Variants in IL5 observed in about 807,000 individuals in gnomAD.
The protein encoded by IL5 is interleukin 5.
In IL5, 12 loss-of-function variants were observed where a neutral mutation model predicts 16.3. The observed-to-expected ratio is 0.74, with a 90% confidence interval of 0.47 to 1.20. The LOEUF is 1.20. IL5 is among the 50% of genes most tolerant of loss of function. The pLI is 0.00. For synonymous variants in IL5, 54 were observed against 56.6 expected (o/e 0.95, Z 0.21); for missense variants, 159 against 153.9 (o/e 1.03, Z -0.17).
chr5:132,541,927 T>C lies in IL5; in HGVS notation c.307-18A>G, dbSNP rs200388617. On this transcript the variant is annotated intron_variant, in intron 3 of 3. Transcript: ENST00000231454. ...CACTTTTTCTGTGAAAAAAGAAAAA[T>C]GACAATAGGTATTACAGGAAACTGT... 1 of 1,610,930 alleles carries C rather than the reference T, an allele frequency of 6.2e-7. No individual in the cohort carries two copies. Among genetic ancestry groups the C allele is most frequent in the Non-Finnish European group, 8.5e-7 (1 of 1,177,408 alleles).
At chr5:132,553,089 G>A (rs564053677) in intron 1 of IL5, among the ~76,000 whole-genome samples, 1 of 152,090 alleles carries the variant, frequency 6.6e-6, no homozygotes, top group African/African-American at 2.4e-5. Context: ...TCCAAACTAG[G>A]ACCATGCATT....
At chr5:132,556,258 A>C (rs906304641) in intron 1 of IL5, 6 of 152,204 alleles carry the variant, frequency 3.9e-5, no homozygotes, top group Admixed American at 3.3e-4. Flanking sequence ...TCCCTCCATT[A>C]AGTTTGTTTC....
At chr5:132,542,910 T>C (rs976858582) in intron 2 of IL5, among the ~76,000 whole-genome samples, 184 bp downstream of exon 2, 5 of 152,174 alleles carry the variant, frequency 3.3e-5, no homozygotes, top group African/African-American at 9.7e-5. Flanking sequence ...AATCCACTTG[T>C]TTAAAGGATT....
At chr5:132,549,098 C>A (rs1437878307) in intron 1 of IL5, among the ~76,000 whole-genome samples, 2 of 152,172 alleles carry the variant, frequency 1.3e-5, no homozygotes, top group Non-Finnish European at 2.9e-5. Flanking sequence ...CTCTGTCACC[C>A]AGGCTAGAGG....
At position 132,543,489 on chromosome 5, in the gene IL5, C is replaced by T. The variant is rs201618644; in HGVS notation, c.-11G>A. On this transcript the variant is annotated 5_prime_UTR_variant, in exon 1 of 4. Coordinates refer to ENST00000231454, the MANE Select transcript of IL5 (RefSeq NM_000879.3). ...CAGAAGCATCCTCATGGCTCTGAAA[C>T]GTTCTGCGTTTGCCTTTGGCAAAGA... 41 of 1,612,592 alleles carry T rather than the reference C, an allele frequency of 2.5e-5. No homozygotes were observed. Among genetic ancestry groups the T allele is most frequent in the Admixed American group, 1.5e-4 (9 of 59,584 alleles).
intron 1 of IL5, among the ~76,000 whole-genome samples, chr5:132,554,864 G>A (rs369113123): frequency 1.2e-4 from 19 of 152,210 alleles, no homozygotes; most frequent in African/African-American, 4.6e-4. Context: ...CCTTAAAAAC[G>A]ACCTGAATTC....
chr5:132,554,990 C>T (rs1266455889), intron 1 of IL5, among the ~76,000 whole-genome samples: 1 of 152,170 alleles, frequency 6.6e-6, no homozygotes, highest in Admixed American at 6.5e-5. Flanking sequence ...TGTTCGACCT[C>T]ACATCATCAG....
In IL5 at chr5:132,542,121, A is replaced by G. The variant is rs1481341567; in HGVS notation, c.200T>C (p.Ile67Thr). 1 of 1,613,014 alleles carries G rather than the reference A, an allele frequency of 6.2e-7. No individual in the cohort carries two copies. Among genetic ancestry groups the G allele is most frequent in the Non-Finnish European group, 8.5e-7 (1 of 1,179,532 alleles). The change falls in exon 3 of 4, where the codon ATC (isoleucine) becomes ACC (threonine). Residue 67 changes from isoleucine to threonine, a missense_variant. Transcript: ENST00000231454. ...CTCCAGTGTGCCTATTCCCTGAAAG[A>G]TTTCTTCAGTGCACAGTTGGTGCTA... ...HKNHQLCTEE[I>T]FQGIGTLESQ...
chr5:132,543,967 A>C (rs1749744656), upstream of IL5: 1 of 152,772 alleles, frequency 6.5e-6, no homozygotes, highest in Non-Finnish European at 1.5e-5. Context: ...ACAGTGATTG[A>C]AATGGAAACT....
At chr5:132,549,847 C>G (rs1319462187) in intron 1 of IL5, among the ~76,000 whole-genome samples, 1 of 152,062 alleles carries the variant, frequency 6.6e-6, no homozygotes, top group Non-Finnish European at 1.5e-5. Flanking sequence ...TGACTCTATT[C>G]GAAATTCTAT....
At chr5:132,552,546 A>T (rs1192034054) in intron 1 of IL5, among the ~76,000 whole-genome samples, 2 of 152,006 alleles carry the variant, frequency 1.3e-5, no homozygotes, top group African/African-American at 4.8e-5. Context: ...CAAAGTTGAA[A>T]TTTTTTTGTA....
At chr5:132,553,328 A>C (rs1421799603) in intron 1 of IL5, among the ~76,000 whole-genome samples, 1 of 152,144 alleles carries the variant, frequency 6.6e-6, no homozygotes, top group Non-Finnish European at 1.5e-5. Flanking sequence ...TAAAGGTATG[A>C]TTAGATTCAA....
upstream of IL5, among the ~76,000 whole-genome samples, chr5:132,544,663 T>C (rs1749756093): frequency 6.6e-6 from 1 of 152,216 alleles, no homozygotes; most frequent in African/African-American, 2.4e-5. Context: ...ACTTCCTTTT[T>C]CCCTGGCCTG....
intron 1 of IL5, 40 bp downstream of exon 1, chr5:132,543,285 AATGATTACCT>A (rs749963235): frequency 2.6e-6 from 4 of 1,539,946 alleles, no homozygotes; most frequent in Non-Finnish European, 3.6e-6. Context: ...AACCATCACA[AATGATTACCT>A]ATGCACTTTA....
In IL5 at chr5:132,541,901, A is replaced by G; in HGVS notation, c.315T>C (p.Cys105=). 6.2e-7 allele frequency: 1 copy of G among 1,613,606 alleles called. No homozygotes were observed. Among genetic ancestry groups the G allele is most frequent in the Non-Finnish European group, 8.5e-7 (1 of 1,179,618 alleles). The change falls in exon 4 of 4, where the codon TGT becomes TGC. Residue 105 remains cysteine (C), a synonymous_variant. Coordinates refer to ENST00000231454, the MANE Select transcript of IL5 (RefSeq NM_000879.3). ...GGTTTACTCTCCGTCTTTCTTCTCC[A>G]CACTTTTTCTGTGAAAAAAGAAAAA... The part of the protein sequence containing the change: ...KKYIDGQKKK[C]GEERRRVNQF...
At chr5:132,547,824 C>T (rs185978940), upstream of IL5, among the ~76,000 whole-genome samples, 11 of 152,248 alleles carry the variant, frequency 7.2e-5, no homozygotes, top group East Asian at 9.6e-4. Flanking sequence ...AACCCCAGCA[C>T]TTTGGGAGGC....
chr5:132,556,767 G>C, exon 1 of IL5: 1 of 1,198,816 alleles, frequency 8.3e-7, no homozygotes, highest in South Asian at 1.8e-5. Context: ...CACAGGTCTT[G>C]GTCTCCCCTT....
At chr5:132,549,683 G>A (rs1195106937) in intron 1 of IL5, among the ~76,000 whole-genome samples, 1 of 151,982 alleles carries the variant, frequency 6.6e-6, no homozygotes, top group African/African-American at 2.4e-5. Context: ...GTAACACATT[G>A]GCAACATGTC....
At chr5:132,543,595 G>C, upstream of IL5, 1 of 1,006,608 alleles carries the variant, frequency 9.9e-7, no homozygotes, top group Non-Finnish European at 1.4e-6. Flanking sequence ...CAATCAGATA[G>C]AGAATGCCTA....
Sources: allele counts gnomAD v4.1 joint callset (sites outside exome capture counted in the v4.1 genomes callset), GRCh38; gene constraint gnomAD v4.1.1; transcripts MANE v1.5; gene names NCBI Gene and HGNC (gene_info 2026-07-23, HGNC 2026-07-21).